FGF12: variants seen among roughly 807,000 people sequenced by gnomAD.
The protein encoded by FGF12 is fibroblast growth factor 12B.
In FGF12, 14 loss-of-function variants were observed where a neutral mutation model predicts 23.6. The observed-to-expected ratio is 0.59, with a 90% CI of 0.39 to 0.93. The LOEUF is 0.93. FGF12 is among the 40% of genes least tolerant of loss of function. FGF12 has a pLI of 0.00. For synonymous variants in FGF12, 62 were observed against 77.3 expected (o/e 0.80, Z 1.04); for missense variants, 175 against 217.8 (o/e 0.80, Z 1.24).
chr3:192,144,982 C>A (rs1713616636), intron 5 of FGF12, among the ~76,000 whole-genome samples: 1 of 152,176 alleles, frequency 6.6e-6, no homozygotes, highest in Non-Finnish European at 1.5e-5. Context: ...TTACTTTTAT[C>A]CTCGGCTTAG....
At chr3:192,242,567 T>A (rs1380206537) in intron 4 of FGF12, among the ~76,000 whole-genome samples, 1 of 152,062 alleles carries the variant, frequency 6.6e-6, no homozygotes, top group African/African-American at 2.4e-5. Context: ...ATTTTAAAAA[T>A]CAAAGGCTAT....
chr3:192,549,371 T>C (rs1017822858), intron 2 of FGF12, among the ~76,000 whole-genome samples: 1 of 152,164 alleles, frequency 6.6e-6, no homozygotes, highest in African/African-American at 2.4e-5. Flanking sequence ...TCCAAGCTCC[T>C]GGAATTGTGC....
intron 2 of FGF12, among the ~76,000 whole-genome samples, chr3:192,416,392 C>T (rs1205801658): frequency 1.3e-5 from 2 of 152,158 alleles, no homozygotes; most frequent in South Asian, 2.1e-4. Context: ...ACTTCGTCTG[C>T]CTGAGTTGAA....
intron 4 of FGF12, among the ~76,000 whole-genome samples, chr3:192,271,974 G>T (rs1713466747): frequency 6.6e-6 from 1 of 152,140 alleles, no homozygotes; most frequent in Non-Finnish European, 1.5e-5. Context: ...CCTAGAATCT[G>T]ATCTGGTCCT....
At chr3:192,366,592 G>C (rs560173570) in intron 2 of FGF12, among the ~76,000 whole-genome samples, 1 of 152,218 alleles carries the variant, frequency 6.6e-6, no homozygotes, top group East Asian at 1.9e-4. Context: ...GAGATTCAAG[G>C]AAGCTGCACC....
At chr3:192,693,926 T>A (rs1197905515) in intron 2 of FGF12, among the ~76,000 whole-genome samples, 1 of 152,058 alleles carries the variant, frequency 6.6e-6, no homozygotes, top group African/African-American at 2.4e-5. Context: ...AACAAAAAAA[T>A]TTCTGCCCAG....
Position 192,651,438 on chromosome 3 carries a change from A to G in FGF12, c.13+75743T>C, listed in dbSNP as rs537452799. 7.2e-5 allele frequency among the ~76,000 whole-genome samples: 11 copies of G among 152,334 alleles called. No individual in the cohort carries two copies. In the East Asian group the frequency reaches 2.1e-3, roughly 29 times the overall value. Reference sequence around the variant, plus strand: ...TTATAATAAATGACGAGGGAGGTTAAGTGATATTTACTGGTATATGGCAAA... The same window carrying G: ...TTATAATAAATGACGAGGGAGGTTAGGTGATATTTACTGGTATATGGCAAA... On this transcript the variant is annotated intron_variant, in intron 2 of 5. Transcript: ENST00000445105.
chr3:192,483,898 C>T (rs950658713), intron 2 of FGF12, among the ~76,000 whole-genome samples: 4 of 152,020 alleles, frequency 2.6e-5, no homozygotes, highest in Non-Finnish European at 2.9e-5. Flanking sequence ...GTTTAACAGG[C>T]GTATTGCTGT....
chr3:192,419,698 C>T (rs1055247872), intron 2 of FGF12, among the ~76,000 whole-genome samples: 13 of 151,926 alleles, frequency 8.6e-5, no homozygotes, highest in Non-Finnish European at 1.5e-4. Context: ...TTTTAAAGGA[C>T]ATAAAAAAGG....
At chr3:192,358,512 C>T (rs985609470) in intron 3 of FGF12, among the ~76,000 whole-genome samples, 6 of 151,798 alleles carry the variant, frequency 4.0e-5, no homozygotes, top group African/African-American at 1.5e-4. Flanking sequence ...GTGTGGTATG[C>T]AGAATGACAT....
intron 2 of FGF12, among the ~76,000 whole-genome samples, chr3:192,609,202 GCTAA>G (rs944155679): frequency 1.3e-5 from 2 of 152,078 alleles, no homozygotes; most frequent in African/African-American, 4.8e-5. Context: ...CCTCTACCCA[GCTAA>G]CTGTGTTACA....
rs1189729205 is a variant in FGF12 at position 192,336,409 on chromosome 3, A to G, written c.125-945T>C. Among the ~76,000 whole-genome samples the G allele has an allele frequency of 6.6e-6, 1 of 151,998 alleles. No individual in the cohort carries two copies. The highest frequency in any genetic ancestry group is 2.4e-5 in the African/African-American group (1 of 41,410). ...AACCTTCTATTTTTCTTCCAACAAT[A>G]TTTTTCTGTCCTTGGGATTATTTCA... On this transcript the variant is annotated intron_variant, in intron 3 of 5. Coordinates refer to ENST00000445105, the MANE Select transcript of FGF12 (RefSeq NM_004113.6). This position sits in a 1 kb window ranked among gnomAD's most constrained non-coding sequence, Gnocchi z 4.3.
chr3:192,311,947 ATCT>A (rs1399564841), intron 4 of FGF12, among the ~76,000 whole-genome samples: 1 of 151,604 alleles, frequency 6.6e-6, no homozygotes, highest in Non-Finnish European at 1.5e-5. Flanking sequence ...CTATCTATCT[ATCT>A]ATCTATCTAT....
At chr3:192,221,288 T>C (rs1359130654) in intron 4 of FGF12, among the ~76,000 whole-genome samples, 1 of 152,214 alleles carries the variant, frequency 6.6e-6, no homozygotes, top group Non-Finnish European at 1.5e-5. Flanking sequence ...CCTTCTCACC[T>C]TAAAGCCACA....
intron 2 of FGF12, among the ~76,000 whole-genome samples, chr3:192,582,287 A>G (rs1340826937): frequency 6.6e-6 from 1 of 152,200 alleles, no homozygotes; most frequent in East Asian, 1.9e-4. Context: ...GTTTTATTTC[A>G]TATCTTCTTC....
At chr3:192,714,502 T>G (rs1718795909) in intron 2 of FGF12, among the ~76,000 whole-genome samples, 1 of 150,534 alleles carries the variant, frequency 6.6e-6, no homozygotes, top group African/African-American at 2.5e-5. Flanking sequence ...TTTATAGATC[T>G]TAAGGAAATA....
intron 4 of FGF12, chr3:192,283,156 A>G (rs572358320): frequency 6.6e-6 from 1 of 152,236 alleles, no homozygotes; most frequent in Admixed American, 6.6e-5. Context: ...GGCATAACAC[A>G]TATTTTTGAA....
chr3:192,324,394 T>C (rs9850123), intron 4 of FGF12, among the ~76,000 whole-genome samples: 35,997 of 152,012 alleles, frequency 0.24, 5,386 homozygotes, highest in African/African-American at 0.41. Flanking sequence ...CAGGAGCTGT[T>C]TGAGGGTACA....
At chr3:192,468,027 A>G (rs1267768970) in intron 2 of FGF12, among the ~76,000 whole-genome samples, 3 of 152,180 alleles carry the variant, frequency 2.0e-5, no homozygotes, top group Non-Finnish European at 2.9e-5. Flanking sequence ...AAGGACACCA[A>G]TTTCCATGGT....
Sources: allele counts gnomAD v4.1 joint callset (sites outside exome capture counted in the v4.1 genomes callset), GRCh38; gene constraint gnomAD v4.1.1; non-coding constraint Gnocchi (gnomAD v3.1); transcripts MANE v1.5; gene names NCBI Gene and HGNC (gene_info 2026-07-23, HGNC 2026-07-21).